Variants in SFMBT1 observed in about 807,000 individuals in gnomAD.
SFMBT1 encodes Scm like with four mbt domains 1.
A neutral mutation model predicts 108.7 loss-of-function variants in SFMBT1; 32 were observed. The observed-to-expected ratio is 0.29, with a 90% CI of 0.22 to 0.40. The LOEUF is 0.40. Ranked by LOEUF, SFMBT1 falls within the 10% of genes least tolerant of loss-of-function variation. The pLI is 1.00. For synonymous variants in SFMBT1, 348 were observed against 369.5 expected (o/e 0.94, Z 0.67); for missense variants, 816 against 1,059.6 (o/e 0.77, Z 3.19).
Position 53,003,241 on chromosome 3 carries a change from A to G in SFMBT1, c.-130-33983T>C, listed in dbSNP as rs185804379. Among the ~76,000 whole-genome samples, 69 of 149,864 alleles carry G rather than the reference A, an allele frequency of 4.6e-4. 2 individuals carry two copies. Among genetic ancestry groups the G allele is most frequent in the Non-Finnish European group, 5.8e-4 (39 of 66,946 alleles). ...TCTATATGTTCTGCATCAAGCTAATACCACAATTAAAACGTATTCTTCACA... is the reference window on the plus strand; with the variant it reads ...TCTATATGTTCTGCATCAAGCTAATGCCACAATTAAAACGTATTCTTCACA... On this transcript the variant is annotated intron_variant, in intron 1 of 20. Coordinates refer to ENST00000394752, the MANE Select transcript of SFMBT1 (RefSeq NM_016329.4).
intron 18 of SFMBT1, 58 bp downstream of exon 18, chr3:52,907,497 C>T: frequency 1.3e-6 from 2 of 1,569,450 alleles, no homozygotes; most frequent in Non-Finnish European, 8.6e-7. Flanking sequence ...TGTGTCCATA[C>T]TATAAAGCAG....
chr3:52,943,930 C>T (rs1703276187), intron 3 of SFMBT1, among the ~76,000 whole-genome samples: 1 of 152,056 alleles, frequency 6.6e-6, no homozygotes, highest in African/African-American at 2.4e-5. Flanking sequence ...TCTGCATCAA[C>T]CAACAGGAAA....
Position 52,954,388 on chromosome 3 carries a change from C to G in SFMBT1, c.52G>C (p.Val18Leu). The change falls in exon 3 of 21, where the codon GTA (valine) becomes CTA (leucine). Residue 18 changes from valine to leucine, a missense_variant. Around this residue, in one of 5 missense-constraint regions of SFMBT1, gnomAD observed 495 missense variants for 607.4 expected, o/e 0.81. Transcript: ENST00000394752. Reference protein sequence around the residue: ...DADAGSGMEEVELSWEDYLEE... With the variant: ...DADAGSGMEELELSWEDYLEE... ...AGATAATCTTCCCAGCTTAATTCTA[C>G]CTCTTCCATACCAGAGCCGGCATCT... 1 of 1,613,784 alleles carries G rather than the reference C, an allele frequency of 6.2e-7. No homozygotes were observed. Among genetic ancestry groups the G allele is most frequent in the Non-Finnish European group, 8.5e-7 (1 of 1,179,858 alleles).
At chr3:52,972,768 C>T (rs1704388785) in intron 1 of SFMBT1, among the ~76,000 whole-genome samples, 1 of 149,238 alleles carries the variant, frequency 6.7e-6, no homozygotes, top group African/African-American at 2.5e-5. Context: ...CACACACACA[C>T]ACACACACAC....
At chr3:52,909,535 G>C (rs11715498) in intron 17 of SFMBT1, among the ~76,000 whole-genome samples, 17,129 of 152,200 alleles carry the variant, frequency 0.11, 1,002 homozygotes, top group Non-Finnish European at 0.13. Flanking sequence ...CTGGGAACTT[G>C]TTGGAAATGC....
chr3:52,910,682 T>A (rs900135350), intron 17 of SFMBT1, among the ~76,000 whole-genome samples: 1 of 151,966 alleles, frequency 6.6e-6, no homozygotes, highest in Non-Finnish European at 1.5e-5. Context: ...AGAGACGGGG[T>A]TTCACCATGT....
At chr3:52,908,161 C>T (rs898764255) in intron 17 of SFMBT1, among the ~76,000 whole-genome samples, 2 of 150,524 alleles carry the variant, frequency 1.3e-5, no homozygotes, top group African/African-American at 4.9e-5. Context: ...GCAACCTCTG[C>T]CTCCCAGGTT....
intron 1 of SFMBT1, among the ~76,000 whole-genome samples, chr3:52,973,006 A>C (rs998307111): frequency 6.6e-6 from 1 of 152,100 alleles, no homozygotes; most frequent in East Asian, 1.9e-4. Context: ...TGGGTGACAG[A>C]GCGAGACTCT....
At chr3:52,908,113 C>T (rs1319830463) in intron 17 of SFMBT1, among the ~76,000 whole-genome samples, 4 of 136,434 alleles carry the variant, frequency 2.9e-5, no homozygotes, top group African/African-American at 1.1e-4. Flanking sequence ...CTTGCTCTGT[C>T]GCCAGGCTGG....
At chr3:52,906,677 G>A (rs1005613603) in intron 19 of SFMBT1, among the ~76,000 whole-genome samples, 8 of 152,184 alleles carry the variant, frequency 5.3e-5, no homozygotes, top group Admixed American at 3.9e-4. Flanking sequence ...TATGTATATA[G>A]TAAATAATAT....
chr3:52,948,825 ATTTTTTTTT>A (rs71615878), intron 3 of SFMBT1, among the ~76,000 whole-genome samples: 1 of 78,284 alleles, frequency 1.3e-5, no homozygotes, highest in African/African-American at 4.9e-5. Context: ...CTAATTTTTA[ATTTTTTTTT>A]TTTTTTTTTT....
intron 2 of SFMBT1, among the ~76,000 whole-genome samples, 174 bp from the exon 3 acceptor site, chr3:52,954,585 C>T (rs1703718928): frequency 6.6e-6 from 1 of 151,936 alleles, no homozygotes; most frequent in Non-Finnish European, 1.5e-5. Context: ...ATGATAGGTG[C>T]CCTTAGTGCA....
intron 1 of SFMBT1, among the ~76,000 whole-genome samples, chr3:53,041,193 A>G (rs1474711209): frequency 6.6e-6 from 1 of 151,684 alleles, no homozygotes; most frequent in East Asian, 1.9e-4. Flanking sequence ...AAGGTTATAA[A>G]CATCCTCTTG....
intron 1 of SFMBT1, among the ~76,000 whole-genome samples, chr3:53,029,845 C>G (rs1275609660): frequency 6.6e-6 from 1 of 152,086 alleles, no homozygotes; most frequent in African/African-American, 2.4e-5. Context: ...CCACGACTCT[C>G]TACCTCCAAC....
chr3:52,937,109 G>C lies in SFMBT1; in HGVS notation c.365-2208C>G, dbSNP rs534932987. On this transcript the variant is annotated intron_variant, in intron 4 of 20. Transcript: ENST00000394752. ...GCCTGCCTCAGCCTCCCAAAGTGCT[G>C]GGATTACAGGGGTGAGCCACCACGC... Among the ~76,000 whole-genome samples the C allele has an allele frequency of 7.2e-4, 109 of 152,094 alleles. 1 individual carries two copies. Among genetic ancestry groups the C allele is most frequent in the Middle Eastern group, 3.4e-3 (1 of 292 alleles).
chr3:52,956,710 G>A (rs992382696), intron 2 of SFMBT1, among the ~76,000 whole-genome samples: 1 of 152,112 alleles, frequency 6.6e-6, no homozygotes, highest in African/African-American at 2.4e-5. Context: ...GCCGTGAGCC[G>A]AGGTTGCGCC....
At chr3:52,981,981 T>C (rs1408755524) in intron 1 of SFMBT1, among the ~76,000 whole-genome samples, 5 of 152,246 alleles carry the variant, frequency 3.3e-5, no homozygotes, top group Non-Finnish European at 7.4e-5. Context: ...AGGAAGTACC[T>C]TGCCAGTAAG....
intron 1 of SFMBT1, among the ~76,000 whole-genome samples, chr3:53,015,003 G>A (rs1699077517): frequency 6.6e-6 from 1 of 152,176 alleles, no homozygotes; most frequent in Non-Finnish European, 1.5e-5. Context: ...CAGATCGCTT[G>A]AGCCCAGGAG....
rs1703811365 is a variant in SFMBT1, at chr3:52,957,191, G to C, written c.29-2780C>G. Among the ~76,000 whole-genome samples, 8 of 152,054 alleles carry C rather than the reference G, an allele frequency of 5.3e-5. No homozygotes were observed. The South Asian group carries it at 1.7e-3, about 32-fold the overall frequency. On this transcript the variant is annotated intron_variant, in intron 2 of 20. Coordinates refer to ENST00000394752, the MANE Select transcript of SFMBT1 (RefSeq NM_016329.4). ...CCTATACGCCAACAACAGACAAGCA[G>C]AAAGCCAAATCATGAATGAACTTCC...
Sources: allele counts gnomAD v4.1 joint callset (sites outside exome capture counted in the v4.1 genomes callset), GRCh38; gene constraint gnomAD v4.1.1; regional missense constraint gnomAD v4.1.1; transcripts MANE v1.5; gene names NCBI Gene and HGNC (gene_info 2026-07-23, HGNC 2026-07-21).